Variants in USP32 observed in about 807,000 individuals in gnomAD.
The protein encoded by USP32 is ubiquitin specific peptidase 32.
Under a neutral mutation model 204.8 loss-of-function variants are expected in USP32, and 59 were observed. The observed-to-expected ratio is 0.29, with a 90% CI of 0.23 to 0.36. The LOEUF (loss-of-function observed/expected upper bound fraction) is 0.36, where lower values mean the gene tolerates loss of function less well. Among genes scored for constraint, USP32 ranks in the 10% least tolerant of loss-of-function variants. USP32 has a pLI of 1.00. For synonymous variants in USP32, 517 were observed against 678.4 expected (o/e 0.76, Z 3.70); for missense variants, 1,160 against 1,946.4 (o/e 0.60, Z 7.60).
rs187303464 is a variant in USP32 at position 60,306,973 on chromosome 17, C to T, written c.187-5269G>A. Among the ~76,000 whole-genome samples, 204 of 151,834 alleles carry T rather than the reference C, an allele frequency of 1.3e-3. 1 individual carries two copies. Among genetic ancestry groups the T allele is most frequent in the African/African-American group, 4.5e-3 (188 of 41,396 alleles). On this transcript the variant is annotated intron_variant, in intron 2 of 33. Coordinates refer to ENST00000300896, the MANE Select transcript of USP32 (RefSeq NM_032582.4). Reference sequence around the variant, plus strand: ...ATAAAATACCTAGGAATCAGTTTAGCCAGAGATGTGAAAGATCTATAAAAG... The same window carrying T: ...ATAAAATACCTAGGAATCAGTTTAGTCAGAGATGTGAAAGATCTATAAAAG...
At chr17:60,277,155 T>C (rs529212223) in intron 5 of USP32, among the ~76,000 whole-genome samples, 2 of 152,226 alleles carry the variant, frequency 1.3e-5, no homozygotes, top group East Asian at 1.9e-4. Context: ...CACCCACCTA[T>C]AGGTATAATT....
chr17:60,182,696 G>A (rs565409963), intron 31 of USP32, among the ~76,000 whole-genome samples: 252 of 152,230 alleles, frequency 1.7e-3, no homozygotes, highest in African/African-American at 5.9e-3. Context: ...CCAGGAGGTA[G>A]AGGCTGCAGT....
rs189114986 is a variant in USP32 at position 60,373,724 on chromosome 17, A to G, written c.58+18158T>C. On this transcript the variant is annotated intron_variant, in intron 1 of 33. Coordinates refer to ENST00000300896, the MANE Select transcript of USP32 (RefSeq NM_032582.4). ...CCTCGTCCTCCCACAGTGTTGGGTT[A>G]CAAGCGTGAGCCACCATGCCCAGCC... Among the ~76,000 whole-genome samples the G allele has an allele frequency of 2.1e-3, 321 of 152,216 alleles. 9 individuals are homozygous for G. In the South Asian group the frequency reaches 0.036, roughly 17 times the overall value.
chr17:60,336,699 G>C (rs1212056524), intron 2 of USP32, among the ~76,000 whole-genome samples: 1 of 134,940 alleles, frequency 7.4e-6, no homozygotes, highest in Non-Finnish European at 1.5e-5. Flanking sequence ...CTGGGAGACA[G>C]AGCGAGACTC....
At chr17:60,239,804 GAT>G (rs1168180302) in intron 11 of USP32, among the ~76,000 whole-genome samples, 1 of 152,200 alleles carries the variant, frequency 6.6e-6, no homozygotes, top group Non-Finnish European at 1.5e-5. Context: ...CACAATCTCA[GAT>G]CACTACAACC....
chr17:60,235,890 G>A (rs539912179), intron 12 of USP32, among the ~76,000 whole-genome samples: 1 of 152,120 alleles, frequency 6.6e-6, no homozygotes, highest in Non-Finnish European at 1.5e-5. Flanking sequence ...ACATATGCAG[G>A]TACCCCCGTA....
At chr17:60,317,781 AGT>A (rs2088018193) in intron 2 of USP32, among the ~76,000 whole-genome samples, 1 of 152,054 alleles carries the variant, frequency 6.6e-6, no homozygotes, top group South Asian at 2.1e-4. Flanking sequence ...TGGGCAACAC[AGT>A]GAGACCAGCC....
chr17:60,217,558 G>C (rs1486770920), intron 16 of USP32, among the ~76,000 whole-genome samples: 1 of 151,914 alleles, frequency 6.6e-6, no homozygotes, highest in Admixed American at 6.6e-5. Flanking sequence ...GCCTCCCAAA[G>C]TGCTGGGATT....
chr17:60,322,198 A>G (rs572523297), intron 2 of USP32, among the ~76,000 whole-genome samples: 14 of 152,174 alleles, frequency 9.2e-5, no homozygotes, highest in Admixed American at 5.2e-4. Flanking sequence ...TTATTTTAAG[A>G]TGAGTTCTTG....
At chr17:60,343,966 G>A (rs867606194) in intron 2 of USP32, among the ~76,000 whole-genome samples, 4 of 151,642 alleles carry the variant, frequency 2.6e-5, no homozygotes, top group African/African-American at 7.3e-5. Flanking sequence ...CCTGGGAGGC[G>A]AAACTTGCCA....
At chr17:60,375,592 T>C (rs1449693134) in intron 1 of USP32, among the ~76,000 whole-genome samples, 2 of 150,360 alleles carry the variant, frequency 1.3e-5, no homozygotes, top group Non-Finnish European at 2.9e-5. Flanking sequence ...CTTTTTCTGG[T>C]GTTTTGTTGT....
intron 2 of USP32, among the ~76,000 whole-genome samples, chr17:60,303,767 GAA>G (rs1441340324): frequency 6.6e-6 from 1 of 152,104 alleles, no homozygotes; most frequent in African/African-American, 2.4e-5. Context: ...AGAGACGAAG[GAA>G]AAATATGCTA....
At chr17:60,180,379 A>G (rs1474239268) in intron 33 of USP32, among the ~76,000 whole-genome samples, 166 bp downstream of exon 33, 5 of 151,992 alleles carry the variant, frequency 3.3e-5, no homozygotes, top group Non-Finnish European at 7.4e-5. Flanking sequence ...TTCATTCCCT[A>G]CTCTGCATAT....
At chr17:60,362,988 T>C (rs2089239638) in intron 1 of USP32, among the ~76,000 whole-genome samples, 1 of 152,128 alleles carries the variant, frequency 6.6e-6, no homozygotes, top group African/African-American at 2.4e-5. Context: ...TCCAGCATTT[T>C]ACTCTTTAAA....
At chr17:60,369,215 C>T (rs1396997082) in intron 1 of USP32, among the ~76,000 whole-genome samples, 2 of 137,382 alleles carry the variant, frequency 1.5e-5, no homozygotes, top group Non-Finnish European at 3.0e-5. Context: ...GGGATGGTCT[C>T]GATCTCCTGA....
intron 3 of USP32, among the ~76,000 whole-genome samples, chr17:60,301,293 G>A (rs889924587): frequency 3.9e-5 from 6 of 152,146 alleles, no homozygotes; most frequent in African/African-American, 1.4e-4. Context: ...CAAAGTTGCT[G>A]CACTACTTTA....
chr17:60,231,191 G>C (rs915705207), intron 12 of USP32, among the ~76,000 whole-genome samples: 3 of 152,120 alleles, frequency 2.0e-5, no homozygotes, highest in Middle Eastern at 3.2e-3. Context: ...TATGGGTCAA[G>C]ATTCACCTTT....
chr17:60,315,095 C>T (rs138468023), intron 2 of USP32, among the ~76,000 whole-genome samples: 6 of 152,052 alleles, frequency 3.9e-5, no homozygotes, highest in African/African-American at 1.2e-4. Flanking sequence ...CCTACAAGAA[C>T]GGCTATAATA....
At chr17:60,214,598 A>C (rs772216745) in intron 17 of USP32, 22 bp downstream of exon 17, 4 of 1,611,240 alleles carry the variant, frequency 2.5e-6, no homozygotes, top group Admixed American at 1.7e-5. Flanking sequence ...CAGACTCTCT[A>C]TGACTCTGAG....
Sources: allele counts gnomAD v4.1 joint callset (sites outside exome capture counted in the v4.1 genomes callset), GRCh38; gene constraint gnomAD v4.1.1; transcripts MANE v1.5; gene names NCBI Gene and HGNC (gene_info 2026-07-23, HGNC 2026-07-21).